Variants in NAV3 observed in about 807,000 individuals in gnomAD.
The protein encoded by NAV3 is neuron navigator 3.
In NAV3, 87 loss-of-function variants were observed where a neutral mutation model predicts 244.7. The observed-to-expected ratio is 0.36, with a 90% CI of 0.30 to 0.42. The LOEUF is 0.42. Ranked by LOEUF, NAV3 falls within the 20% of genes least tolerant of loss-of-function variation. The pLI is 1.00. For missense variants in NAV3, 2,663 were observed against 2,893.3 expected, an observed-to-expected ratio of 0.92 and a Z score of 1.83; for synonymous variants, 1,126 against 1,042.2, an observed-to-expected ratio of 1.08 and a Z score of -1.55.
At position 78,033,790 on chromosome 12, in the gene NAV3, T is replaced by C. The variant is rs549769054; in HGVS notation, c.2023+11928T>C. On this transcript the variant is annotated intron_variant, in intron 9 of 39. Coordinates refer to ENST00000397909, the MANE Select transcript of NAV3 (RefSeq NM_001024383.2). ...GGTTCACCCCTCCAGAAGGATTAAA[T>C]TTCCTGTCTCATTGAATCAGGAAGA... 2.6e-5 allele frequency among the ~76,000 whole-genome samples: 4 copies of C among 152,346 alleles called. No homozygotes were observed. The South Asian group carries it at 8.3e-4, about 32-fold the overall frequency.
At chr12:78,110,600 G>T (rs1483581497) in intron 12 of NAV3, among the ~76,000 whole-genome samples, 1 of 151,786 alleles carries the variant, frequency 6.6e-6, no homozygotes, top group Non-Finnish European at 1.5e-5. Context: ...AAAGAACAAA[G>T]CTGGAGACTA....
chr12:78,148,337 G>C (rs10506772), intron 21 of NAV3, among the ~76,000 whole-genome samples: 13,068 of 151,906 alleles, frequency 0.086, 660 homozygotes, highest in Middle Eastern at 0.14. Flanking sequence ...CCAAGTTTTA[G>C]TGATTGCAGG....
chr12:77,686,917 A>G (rs1055784953), intron 2 of NAV3, among the ~76,000 whole-genome samples: 1 of 152,124 alleles, frequency 6.6e-6, no homozygotes, highest in Non-Finnish European at 1.5e-5. Flanking sequence ...TTTTTAAAAA[A>G]ACAAAACAAG....
At chr12:77,893,224 A>G (rs1884161010) in intron 1 of NAV3, among the ~76,000 whole-genome samples, 1 of 152,222 alleles carries the variant, frequency 6.6e-6, no homozygotes, top group Admixed American at 6.5e-5. Context: ...GGAATGAGGT[A>G]GATAACCAAC....
intron 20 of NAV3, among the ~76,000 whole-genome samples, chr12:78,144,147 T>C (rs419388): frequency 0.35 from 52,583 of 151,992 alleles, 9,354 homozygotes; most frequent in East Asian, 0.48. Context: ...ATTTAACCTG[T>C]TTTGAATTTG....
chr12:78,150,762 A>G (rs1957052289), intron 22 of NAV3, among the ~76,000 whole-genome samples: 1 of 151,840 alleles, frequency 6.6e-6, no homozygotes, highest in Non-Finnish European at 1.5e-5. Context: ...ATATAATTTT[A>G]GAAAGGTTCC....
chr12:77,874,787 C>A (rs947439483), intron 1 of NAV3, among the ~76,000 whole-genome samples: 1 of 151,988 alleles, frequency 6.6e-6, no homozygotes, highest in African/African-American at 2.4e-5. Context: ...TTAATAATAC[C>A]ATCCTTACTA....
chr12:77,751,823 T>G (rs1404399962), intron 2 of NAV3, among the ~76,000 whole-genome samples: 3 of 152,242 alleles, frequency 2.0e-5, no homozygotes, highest in Non-Finnish European at 2.9e-5. Flanking sequence ...TTGAAGTTTT[T>G]TTCTTTCATA....
At chr12:77,588,542 T>C (rs893802608) in intron 2 of NAV3, among the ~76,000 whole-genome samples, 2 of 152,194 alleles carry the variant, frequency 1.3e-5, no homozygotes, top group Non-Finnish European at 2.9e-5. Context: ...ACACCTGATG[T>C]TGCATTTTTC....
chr12:77,631,850 A>G (rs960031932), intron 2 of NAV3, among the ~76,000 whole-genome samples: 1 of 152,232 alleles, frequency 6.6e-6, no homozygotes, highest in African/African-American at 2.4e-5. Flanking sequence ...CATCAGTGGT[A>G]TACCAGGGCC....
At chr12:77,713,736 C>A (rs1322876026) in intron 2 of NAV3, among the ~76,000 whole-genome samples, 3 of 152,014 alleles carry the variant, frequency 2.0e-5, no homozygotes, top group Non-Finnish European at 4.4e-5. Flanking sequence ...TAAAAATGTA[C>A]CAGCAAGAAC....
chr12:77,834,678 T>C (rs963619550), intron 1 of NAV3, among the ~76,000 whole-genome samples: 32 of 152,200 alleles, frequency 2.1e-4, no homozygotes, highest in Non-Finnish European at 1.3e-4. Context: ...GGTTGATCTC[T>C]TTGGTTAGCA....
intron 2 of NAV3, among the ~76,000 whole-genome samples, chr12:77,672,841 G>A (rs1874046496): frequency 6.6e-6 from 1 of 151,916 alleles, no homozygotes; most frequent in Admixed American, 6.6e-5. Flanking sequence ...TAAAATTGTG[G>A]GAAAGGAGCT....
At position 77,735,534 on chromosome 12, in the gene NAV3, T is replaced by C. The variant is rs138639783; in HGVS notation, c.72+163268T>C. Among the ~76,000 whole-genome samples the C allele has an allele frequency of 3.4e-3, 511 of 152,236 alleles. 3 individuals are homozygous for C. Among genetic ancestry groups the C allele is most frequent in the African/African-American group, 0.011 (463 of 41,552 alleles). ...TCCCTGACAGGAGCACATTCTTCCT[T>C]TTAGTTTGATTAAAAGATCTTCCTA... On this transcript the variant is annotated intron_variant, in intron 2 of 8. Transcript: ENST00000550042.
At chr12:77,836,272 T>TA (rs111993211) in intron 1 of NAV3, among the ~76,000 whole-genome samples, 34 of 152,308 alleles carry the variant, frequency 2.2e-4, no homozygotes, top group African/African-American at 7.9e-4. Flanking sequence ...TGGCCATACT[T>TA]ACTGTGGAGC....
intron 12 of NAV3, among the ~76,000 whole-genome samples, chr12:78,106,704 C>T (rs1293169047): frequency 6.6e-6 from 1 of 152,182 alleles, no homozygotes; most frequent in East Asian, 1.9e-4. Flanking sequence ...ACTCCTCACA[C>T]CTGGCCCACT....
chr12:77,684,711 TC>T (rs889294708), intron 2 of NAV3, among the ~76,000 whole-genome samples: 4 of 151,492 alleles, frequency 2.6e-5, no homozygotes, highest in African/African-American at 7.3e-5. Flanking sequence ...TTCTGATGAT[TC>T]CTTTTTTTTG....
intron 23 of NAV3, among the ~76,000 whole-genome samples, chr12:78,166,546 G>A (rs776378178): frequency 2.0e-5 from 3 of 151,532 alleles, no homozygotes; most frequent in Non-Finnish European, 3.0e-5. Flanking sequence ...AAGTTATATA[G>A]CATATATATT....
intron 5 of NAV3, among the ~76,000 whole-genome samples, chr12:77,986,466 C>T (rs564436918): frequency 1.3e-5 from 2 of 152,132 alleles, no homozygotes; most frequent in Non-Finnish European, 2.9e-5. Flanking sequence ...CCAACTTCCT[C>T]AGCTGAGATT....
Sources: gnomAD v4.1 joint callset for allele counts (sites outside exome capture counted in the v4.1 genomes callset) on GRCh38, gnomAD v4.1.1 for gene constraint, MANE v1.5 for transcripts, NCBI Gene and HGNC (gene_info 2026-07-23, HGNC 2026-07-21) for gene names.